The following SPAG16 variants were observed in gnomAD, a reference collection of about 807,000 sequenced individuals.
SPAG16 encodes sperm-associated antigen 16 protein.
A neutral mutation model predicts 80.4 loss-of-function variants in SPAG16; 86 were observed. The ratio of observed to expected loss-of-function variants is 1.07; its 90% CI spans 0.90 to 1.28. The LOEUF is 1.28. Ranked by LOEUF, SPAG16 falls within the 50% of genes most tolerant of loss-of-function variation. The probability of loss-of-function intolerance (pLI) is 0.00; values close to 1 mark genes in which losing one functional copy is unlikely to be tolerated. For missense variants in SPAG16, 870 were observed against 765.3 expected (o/e 1.14, Z -1.61); for synonymous variants, 294 against 265.9 (o/e 1.11, Z -1.03).
intron 9 of SPAG16, among the ~76,000 whole-genome samples, chr2:213,425,303 G>C (rs2069841792): frequency 6.6e-6 from 1 of 151,740 alleles, no homozygotes; most frequent in Non-Finnish European, 1.5e-5. Context: ...CTGGGTGAGA[G>C]AGTGAGACTC....
intron 12 of SPAG16, among the ~76,000 whole-genome samples, chr2:213,975,339 C>T (rs1262761157): frequency 1.3e-5 from 2 of 150,482 alleles, no homozygotes; most frequent in Non-Finnish European, 3.0e-5. Context: ...AATATGCATA[C>T]CACATTCTCA....
intron 12 of SPAG16, among the ~76,000 whole-genome samples, chr2:213,993,527 C>T (rs1260594727): frequency 2.6e-5 from 4 of 152,148 alleles, no homozygotes; most frequent in African/African-American, 9.7e-5. Flanking sequence ...ATTATACCTA[C>T]ATTGAGCCTA....
intron 15 of SPAG16, among the ~76,000 whole-genome samples, chr2:214,175,999 C>T (rs1026162370): frequency 6.6e-6 from 1 of 151,394 alleles, no homozygotes. Context: ...TGGAATATCC[C>T]ATAATAAAAA....
At chr2:213,802,285 G>A (rs904054535) in intron 10 of SPAG16, among the ~76,000 whole-genome samples, 2 of 152,172 alleles carry the variant, frequency 1.3e-5, no homozygotes, top group Non-Finnish European at 2.9e-5. Flanking sequence ...AAGAGGAGGT[G>A]TTAGAGACTC....
intron 15 of SPAG16, among the ~76,000 whole-genome samples, chr2:214,403,045 CAAA>C (rs746647263): frequency 3.0e-5 from 2 of 66,640 alleles, no homozygotes; most frequent in Admixed American, 1.7e-4. Flanking sequence ...GGAGCCAATC[CAAA>C]AAAAAAAAAA....
At position 213,930,054 on chromosome 2, in the gene SPAG16, C is replaced by T. The variant is rs142357329; in HGVS notation, c.1309C>T (p.Arg437Cys). ...DCILTFEGHS[R>C]AVWSCTWHSC... ...CATTTTGACCTTTGAAGGACACAGC[C>T]GCGCAGTGTGGTCCTGCACATGGCA... Residue 437 changes from arginine to cysteine, a missense_variant, in exon 12 of 16, where the codon CGC (arginine) becomes TGC (cysteine). Arg to Cys is a radical substitution (Grantham distance 180). Transcript: ENST00000331683. The T allele has an allele frequency of 2.9e-5, 47 of 1,613,852 alleles. No individual in the cohort carries two copies. The African/African-American group carries it at 4.9e-4, about 17-fold the overall frequency.
rs529867226 is a variant in SPAG16 at position 214,152,169 on chromosome 2, C to T, written c.1720+2903C>T. Reference sequence around the variant, plus strand: ...TTAAATTTCAAATTTTGATGTATAACAAAATTTTCTCTATTTATTAACCTC... The same window carrying T: ...TTAAATTTCAAATTTTGATGTATAATAAAATTTTCTCTATTTATTAACCTC... On this transcript the variant is annotated intron_variant, in intron 15 of 15. Coordinates refer to ENST00000331683, the MANE Select transcript of SPAG16 (RefSeq NM_024532.5). 6.0e-3 allele frequency among the ~76,000 whole-genome samples: 596 copies of T among 99,310 alleles called. 3 individuals carry two copies. Among genetic ancestry groups the T allele is most frequent in the Admixed American group, 9.1e-3 (92 of 10,078 alleles). The allele number at this position is 99,310 out of a possible 152,430, so 65.2% of individuals were successfully genotyped here.
intron 10 of SPAG16, among the ~76,000 whole-genome samples, chr2:213,734,730 T>C (rs2067206952): frequency 6.6e-6 from 1 of 152,080 alleles, no homozygotes; most frequent in Non-Finnish European, 1.5e-5. Context: ...TTTTTTGGTA[T>C]GAACATGAAT....
In SPAG16 at chr2:214,392,651, G is replaced by GT. The variant is rs571971551; in HGVS notation, c.1721-17486dup. ...AGAAGTTTTATAGTTCTGAAGAAGAGTTTAGGAGTAATTAGTGACAGGTAG... is the reference window on the plus strand; with the variant it reads ...AGAAGTTTTATAGTTCTGAAGAAGAGTTTTAGGAGTAATTAGTGACAGGTAG... On this transcript the variant is annotated intron_variant, in intron 15 of 15. Transcript: ENST00000331683. 2.3e-3 allele frequency among the ~76,000 whole-genome samples: 352 copies of GT among 150,846 alleles called. 2 individuals are homozygous for GT. Among genetic ancestry groups the GT allele is most frequent in the Middle Eastern group, 0.014 (4 of 292 alleles).
intron 14 of SPAG16, among the ~76,000 whole-genome samples, chr2:214,119,791 A>G (rs1014334266): frequency 1.3e-5 from 2 of 151,758 alleles, no homozygotes; most frequent in African/African-American, 2.4e-5. Context: ...TCTTTCAGGG[A>G]AAGTGTGTGG....
intron 4 of SPAG16, among the ~76,000 whole-genome samples, chr2:213,314,246 G>T (rs752665659): frequency 4.0e-5 from 6 of 151,692 alleles, no homozygotes; most frequent in Non-Finnish European, 8.8e-5. Flanking sequence ...TTTTATTAGT[G>T]ATAATTTTAT....
At chr2:214,289,814 G>A (rs928743411) in intron 15 of SPAG16, among the ~76,000 whole-genome samples, 3 of 152,218 alleles carry the variant, frequency 2.0e-5, no homozygotes, top group South Asian at 4.1e-4. Flanking sequence ...GATGCTTTAA[G>A]CAGTATGAAA....
intron 10 of SPAG16, among the ~76,000 whole-genome samples, chr2:213,857,012 C>T (rs2075202308): frequency 6.6e-6 from 1 of 152,056 alleles, no homozygotes; most frequent in Non-Finnish European, 1.5e-5. Context: ...GATGGGTCAC[C>T]TAAAGTCAGG....
intron 8 of SPAG16, among the ~76,000 whole-genome samples, chr2:213,366,395 A>G (rs911675065): frequency 6.6e-6 from 1 of 152,030 alleles, no homozygotes; most frequent in African/African-American, 2.4e-5. Flanking sequence ...AAGTGAGAAA[A>G]TCTTTTTTTT....
intron 10 of SPAG16, among the ~76,000 whole-genome samples, chr2:213,738,555 G>A (rs1220103262): frequency 6.6e-6 from 1 of 152,130 alleles, no homozygotes; most frequent in African/African-American, 2.4e-5. Context: ...TTTTAAAAAT[G>A]AGAAGTCATG....
intron 10 of SPAG16, among the ~76,000 whole-genome samples, chr2:213,597,455 A>C (rs1466892813): frequency 6.6e-6 from 1 of 152,186 alleles, no homozygotes; most frequent in African/African-American, 2.4e-5. Flanking sequence ...AAAATAATTT[A>C]TTTAACAGTT....
rs1284474503 is a variant in SPAG16, at chr2:213,581,374, AGTTAGCTAATTTTAAAAT to A, written c.1070+91285_1070+91302del. 2.6e-5 allele frequency among the ~76,000 whole-genome samples: 4 copies of A among 151,910 alleles called. No homozygotes were observed. The East Asian group carries it at 7.7e-4, about 29-fold the overall frequency. ...TGGAACCACAGTTATGTACCACCAT[AGTTAGCTAATTTTAAAAT>A]TTTTTTTGTAGAGACAGGGTCTTGC... On this transcript the variant is annotated intron_variant, in intron 10 of 15. Transcript: ENST00000331683.
chr2:214,233,338 GATAATA>G (rs879704369), intron 15 of SPAG16, among the ~76,000 whole-genome samples: 7 of 137,066 alleles, frequency 5.1e-5, no homozygotes, highest in Non-Finnish European at 9.5e-5. Flanking sequence ...AGTAAAAATA[GATAATA>G]ATGATGATGA....
rs116202953 is a variant in SPAG16 at position 213,809,411 on chromosome 2, A to G, written c.1071-53074A>G. Among the ~76,000 whole-genome samples, 1,033 of 152,318 alleles carry G rather than the reference A, an allele frequency of 6.8e-3. 5 individuals are homozygous for G. Among genetic ancestry groups the G allele is most frequent in the Admixed American group, 0.012 (190 of 15,300 alleles). On this transcript the variant is annotated intron_variant, in intron 10 of 15. Transcript: ENST00000331683. ...CCAGGTCCTAGCAAGCTCATTGTCC[A>G]TGCAACCCACAGGAAACATCTAAGG... is the stretch of plus-strand genomic sequence containing the variant.
Sources: allele counts gnomAD v4.1 joint callset (sites outside exome capture counted in the v4.1 genomes callset), GRCh38; gene constraint gnomAD v4.1.1; transcripts MANE v1.5; gene names NCBI Gene and HGNC (gene_info 2026-07-23, HGNC 2026-07-21).